The following CLASP2 variants were observed in gnomAD, a reference collection of about 807,000 sequenced individuals.
CLASP2 encodes CLIP-associating protein 2.
CLASP2 carries 47 observed loss-of-function variants against 194.4 expected under a neutral mutation model. The observed-to-expected ratio is 0.24, with a 90% confidence interval of 0.19 to 0.31. The LOEUF (loss-of-function observed/expected upper bound fraction) is 0.31, where lower values mean the gene tolerates loss of function less well. Ranked by LOEUF, CLASP2 falls within the 10% of genes least tolerant of loss-of-function variation. CLASP2 has a pLI of 1.00. For missense variants in CLASP2, 1,445 were observed against 1,823.6 expected, an observed-to-expected ratio of 0.79 and a Z score of 3.78; for synonymous variants, 619 against 633.5, an observed-to-expected ratio of 0.98 and a Z score of 0.34.
At chr3:33,609,050 T>C (rs2074542473) in intron 13 of CLASP2, among the ~76,000 whole-genome samples, 1 of 152,016 alleles carries the variant, frequency 6.6e-6, no homozygotes, top group Non-Finnish European at 1.5e-5. Context: ...AAGGCTGAGG[T>C]GGGTGGATCA....
At chr3:33,700,783 G>A (rs1393535124) in intron 1 of CLASP2, among the ~76,000 whole-genome samples, 1 of 152,234 alleles carries the variant, frequency 6.6e-6, no homozygotes, top group Non-Finnish European at 1.5e-5. Context: ...CTGGGAGGCA[G>A]AGGTTACAGT....
At chr3:33,519,982 T>A (rs1424820126) in intron 34 of CLASP2, among the ~76,000 whole-genome samples, 1 of 152,216 alleles carries the variant, frequency 6.6e-6, no homozygotes, top group Non-Finnish European at 1.5e-5. Context: ...TGTCATAATT[T>A]TGGCTTTATG....
chr3:33,525,501 AG>A (rs2054282081), intron 34 of CLASP2, among the ~76,000 whole-genome samples: 2 of 151,966 alleles, frequency 1.3e-5, no homozygotes, highest in African/African-American at 2.4e-5. Context: ...CCCACTAGAG[AG>A]CAACACCGAG....
At chr3:33,711,140 G>A (rs891413926) in intron 1 of CLASP2, among the ~76,000 whole-genome samples, 7 of 152,114 alleles carry the variant, frequency 4.6e-5, no homozygotes, top group Non-Finnish European at 1.0e-4. Flanking sequence ...TAATGGTCAG[G>A]AATTTAAAAT....
chr3:33,539,918 ATTTT>A (rs59070086), intron 32 of CLASP2, among the ~76,000 whole-genome samples: 1 of 135,216 alleles, frequency 7.4e-6, no homozygotes. Context: ...ACTGAATATA[ATTTT>A]TTTTTTTTTT....
In CLASP2 at chr3:33,608,646, T is replaced by C. The variant is rs768630675; in HGVS notation, c.1389-20A>G. 2 of 1,548,950 alleles carry C rather than the reference T, an allele frequency of 1.3e-6. No individual in the cohort carries two copies. Among genetic ancestry groups the C allele is most frequent in the Non-Finnish European group, 1.8e-6 (2 of 1,127,012 alleles). ...GAACGTCTGAAAAATAAAAGTTGAA[T>C]GATAACTAAATGTTGTATTGAGAAA... On this transcript the variant is annotated intron_variant, in intron 13 of 38. Transcript: ENST00000682230.
At chr3:33,534,587 T>A (rs1024921953) in intron 34 of CLASP2, among the ~76,000 whole-genome samples, 3 of 152,052 alleles carry the variant, frequency 2.0e-5, no homozygotes, top group African/African-American at 4.8e-5. Flanking sequence ...CACTAAAACA[T>A]TTGTAGTGTT....
intron 6 of CLASP2, among the ~76,000 whole-genome samples, chr3:33,679,535 A>G (rs927524624): frequency 6.6e-6 from 1 of 152,240 alleles, no homozygotes; most frequent in Non-Finnish European, 1.5e-5. Context: ...TTAAAACTCA[A>G]CAATAAGGAA....
In CLASP2 at chr3:33,691,691, C is replaced by G. The variant is rs77746000; in HGVS notation, c.275-1759G>C. Among the ~76,000 whole-genome samples the G allele has an allele frequency of 3.8e-3, 573 of 152,226 alleles. 27 individuals carry two copies. The East Asian group carries it at 0.095, about 25-fold the overall frequency. On this transcript the variant is annotated intron_variant, in intron 2 of 38. Coordinates refer to ENST00000682230, the MANE Select transcript of CLASP2 (RefSeq NM_001365631.1). ...TCTGGTTCTGATAGCTTCTGAAAGG[C>G]AGAAGACAATAGTAAACACTTAACA... is the stretch of plus-strand genomic sequence containing the variant.
At chr3:33,652,987 C>G (rs2083471044) in intron 7 of CLASP2, among the ~76,000 whole-genome samples, 1 of 152,186 alleles carries the variant, frequency 6.6e-6, no homozygotes, top group Non-Finnish European at 1.5e-5. Flanking sequence ...ACCAGAGCCT[C>G]TTAACTGGTC....
intron 7 of CLASP2, 95 bp from the exon 8 acceptor site, chr3:33,644,998 A>G (rs990926856): frequency 2.3e-6 from 3 of 1,293,878 alleles, no homozygotes; most frequent in Non-Finnish European, 3.2e-6. Flanking sequence ...ATATAAAATC[A>G]TTACTTTGGT....
intron 10 of CLASP2, among the ~76,000 whole-genome samples, chr3:33,623,091 T>C (rs987448178): frequency 6.6e-6 from 1 of 152,174 alleles, no homozygotes; most frequent in African/African-American, 2.4e-5. Flanking sequence ...CCACTACATC[T>C]GGCCTGCTGT....
chr3:33,602,660 C>T, intron 18 of CLASP2: 1 of 710,542 alleles, frequency 1.4e-6, no homozygotes, highest in Admixed American at 2.0e-5. Flanking sequence ...CTTCCCAAAC[C>T]CCCTTAGAAA....
intron 34 of CLASP2, among the ~76,000 whole-genome samples, chr3:33,520,073 G>A (rs1037064220): frequency 3.9e-5 from 6 of 152,214 alleles, no homozygotes; most frequent in African/African-American, 1.2e-4. Context: ...GAGTGCACTG[G>A]CGTGATCTTG....
At chr3:33,675,487 A>C (rs570608801) in intron 6 of CLASP2, among the ~76,000 whole-genome samples, 418 of 149,230 alleles carry the variant, frequency 2.8e-3, no homozygotes, top group African/African-American at 9.7e-3. Flanking sequence ...ATCATACTGA[A>C]TGGGCAAAAA....
At chr3:33,509,500 C>A (rs1231209202) in intron 37 of CLASP2, among the ~76,000 whole-genome samples, 1 of 152,174 alleles carries the variant, frequency 6.6e-6, no homozygotes, top group Non-Finnish European at 1.5e-5. Flanking sequence ...TAGGTGTGAG[C>A]CACTGTGCCC....
intron 22 of CLASP2, among the ~76,000 whole-genome samples, chr3:33,584,329 G>A (rs1480991462): frequency 6.7e-6 from 1 of 148,216 alleles, no homozygotes; most frequent in African/African-American, 2.5e-5. Context: ...CCAGGCTGGA[G>A]TGCAGTGTGA....
intron 30 of CLASP2, among the ~76,000 whole-genome samples, chr3:33,546,276 C>A (rs1399317737): frequency 6.6e-6 from 1 of 152,166 alleles, no homozygotes; most frequent in African/African-American, 2.4e-5. Context: ...GTATAATGAA[C>A]TAATCTCCTA....
intron 29 of CLASP2, among the ~76,000 whole-genome samples, chr3:33,553,032 G>C (rs900658264): frequency 2.6e-5 from 4 of 152,124 alleles, no homozygotes; most frequent in Non-Finnish European, 5.9e-5. Flanking sequence ...GAATAAGGAA[G>C]GTTTAAATGT....
Sources: gnomAD v4.1 joint callset for allele counts (sites outside exome capture counted in the v4.1 genomes callset) on GRCh38, gnomAD v4.1.1 for gene constraint, MANE v1.5 for transcripts, NCBI Gene and HGNC (gene_info 2026-07-23, HGNC 2026-07-21) for gene names.